RBFOX1: variants seen among roughly 807,000 people sequenced by gnomAD.
RBFOX1 encodes RNA binding protein fox-1 homolog 1.
Under a neutral mutation model 57.7 loss-of-function variants are expected in RBFOX1, and 8 were observed. The observed-to-expected ratio is 0.14, with a 90% CI of 0.08 to 0.25. The LOEUF (loss-of-function observed/expected upper bound fraction) is 0.25. Among genes scored for constraint, RBFOX1 ranks in the 10% least tolerant of loss-of-function variants. The pLI is 1.00. For synonymous variants in RBFOX1, 326 were observed against 222.4 expected (o/e 1.47, Z -4.15); for missense variants, 611 against 548.5 (o/e 1.11, Z -1.14).
intron 10 of RBFOX1, among the ~76,000 whole-genome samples, chr16:7,628,582 A>G (rs1158060408): frequency 2.6e-5 from 4 of 152,114 alleles, no homozygotes; most frequent in Non-Finnish European, 1.5e-5. Flanking sequence ...AGGCGAGGTT[A>G]AACCATGGAA....
chr16:7,150,875 T>C (rs1333810100), intron 4 of RBFOX1, among the ~76,000 whole-genome samples: 8 of 152,232 alleles, frequency 5.3e-5, no homozygotes. Context: ...CACCACATTA[T>C]AATTATGATG....
At chr16:7,473,898 A>C (rs1006380257) in intron 4 of RBFOX1, among the ~76,000 whole-genome samples, 6 of 152,118 alleles carry the variant, frequency 3.9e-5, no homozygotes, top group African/African-American at 7.2e-5. Flanking sequence ...CAGCTCTCAA[A>C]CTTTTTGTAA....
chr16:6,825,272 C>G (rs1297184659), intron 3 of RBFOX1, among the ~76,000 whole-genome samples: 3 of 151,038 alleles, frequency 2.0e-5, no homozygotes, highest in African/African-American at 7.3e-5. Context: ...ACACCCCTTC[C>G]CTACTCTAGA....
chr16:5,383,321 G>A (rs2066175588), intron 1 of RBFOX1, among the ~76,000 whole-genome samples: 1 of 152,148 alleles, frequency 6.6e-6, no homozygotes, highest in Admixed American at 6.5e-5. Context: ...AGGGTGAGAT[G>A]GCTTACAAAG....
At chr16:5,292,706 C>A (rs1397430415) in intron 1 of RBFOX1, among the ~76,000 whole-genome samples, 1 of 152,068 alleles carries the variant, frequency 6.6e-6, no homozygotes, top group Non-Finnish European at 1.5e-5. Flanking sequence ...TCACTGCAAC[C>A]TCTGCCTCAC....
chr16:7,085,400 T>C (rs2059839798), intron 4 of RBFOX1, among the ~76,000 whole-genome samples: 1 of 152,040 alleles, frequency 6.6e-6, no homozygotes, highest in African/African-American at 2.4e-5. Flanking sequence ...AATCTCTTGG[T>C]TTTTAAATAT....
chr16:5,856,876 C>T (rs2057085668), intron 3 of RBFOX1, among the ~76,000 whole-genome samples: 1 of 151,940 alleles, frequency 6.6e-6, no homozygotes. Flanking sequence ...TCCATATCAT[C>T]AGCAAGGCTG....
At chr16:6,921,640 TA>T (rs1236618237) in intron 3 of RBFOX1, among the ~76,000 whole-genome samples, 4,566 of 75,264 alleles carry the variant, frequency 0.061, 87 homozygotes, top group East Asian at 0.1. Flanking sequence ...TATATATATA[TA>T]TATATTTTTT....
At chr16:6,954,571 A>G (rs185037061) in intron 3 of RBFOX1, among the ~76,000 whole-genome samples, 14 of 152,288 alleles carry the variant, frequency 9.2e-5, no homozygotes, top group African/African-American at 2.6e-4. Context: ...CCCCAATGCT[A>G]TATTAATTAT....
intron 4 of RBFOX1, among the ~76,000 whole-genome samples, chr16:7,275,922 C>A (rs1473010739): frequency 6.6e-6 from 1 of 152,152 alleles, no homozygotes; most frequent in South Asian, 2.1e-4. Flanking sequence ...GCTGACTCCC[C>A]TTAGAAGTAA....
At chr16:5,261,456 C>A (rs1054398893) in intron 1 of RBFOX1, among the ~76,000 whole-genome samples, 8 of 151,614 alleles carry the variant, frequency 5.3e-5, no homozygotes, top group African/African-American at 1.9e-4. Context: ...TTTGATTGGG[C>A]AGTAATTTAG....
chr16:7,696,050 G>A (rs2078705384), intron 14 of RBFOX1, among the ~76,000 whole-genome samples: 1 of 152,162 alleles, frequency 6.6e-6, no homozygotes, highest in South Asian at 2.1e-4. Flanking sequence ...GAAAAGCAAT[G>A]CCTTTTACGT....
intron 4 of RBFOX1, among the ~76,000 whole-genome samples, chr16:5,904,747 G>GCA: frequency 1.3e-5 from 2 of 152,074 alleles, no homozygotes; most frequent in South Asian, 4.2e-4. Flanking sequence ...GGAGGCTGAG[G>GCA]TGGGCAGATC....
At chr16:7,672,732 T>G (rs1167975903) in intron 13 of RBFOX1, among the ~76,000 whole-genome samples, 1 of 151,722 alleles carries the variant, frequency 6.6e-6, no homozygotes. Context: ...CCAGGCGTGG[T>G]GGCACATGCC....
intron 4 of RBFOX1, among the ~76,000 whole-genome samples, chr16:5,926,960 C>G (rs1567156395): frequency 1.3e-5 from 2 of 152,122 alleles, no homozygotes; most frequent in Non-Finnish European, 2.9e-5. Flanking sequence ...TGCGTGCATT[C>G]ACTATAATCC....
At chr16:5,591,601 T>C (rs547127115) in intron 2 of RBFOX1, among the ~76,000 whole-genome samples, 55 of 152,312 alleles carry the variant, frequency 3.6e-4, no homozygotes, top group African/African-American at 1.3e-3. Flanking sequence ...TTCTGAAGAT[T>C]TCAGTGGATA....
At chr16:6,220,733 G>T (rs1376726332) in intron 1 of RBFOX1, among the ~76,000 whole-genome samples, 1 of 124,882 alleles carries the variant, frequency 8.0e-6, no homozygotes, top group African/African-American at 2.9e-5. Flanking sequence ...CCCCCCCCCA[G>T]TGGAAAATAA....
chr16:7,710,533 G>GTGTC, intron 15 of RBFOX1, 90 bp from the exon 16 acceptor site: 1 of 1,582,774 alleles, frequency 6.3e-7, no homozygotes. Flanking sequence ...TTGGTTTTGA[G>GTGTC]TGTCTATTTT....
intron 3 of RBFOX1, among the ~76,000 whole-genome samples, chr16:5,615,688 G>A (rs892406755): frequency 1.3e-5 from 2 of 152,184 alleles, no homozygotes; most frequent in African/African-American, 4.8e-5. Context: ...GTTTCTATGT[G>A]TCAAGAAGGG....
Sources: allele counts gnomAD v4.1 joint callset (sites outside exome capture counted in the v4.1 genomes callset), GRCh38; gene constraint gnomAD v4.1.1; transcripts MANE v1.5; gene names NCBI Gene and HGNC (gene_info 2026-07-23, HGNC 2026-07-21).